TMTC1: variants seen among roughly 807,000 people sequenced by gnomAD.
TMTC1 encodes transmembrane O-mannosyltransferase targeting cadherins 1, also known as protein O-mannosyl-transferase TMTC1.
Under a neutral mutation model 104.8 loss-of-function variants are expected in TMTC1, and 73 were observed. The observed-to-expected ratio is 0.70, with a 90% CI of 0.58 to 0.85. The LOEUF is 0.85. Among genes scored for constraint, TMTC1 ranks in the 40% least tolerant of loss-of-function variants. The pLI is 0.00. For synonymous variants in TMTC1, 434 were observed against 428.7 expected (o/e 1.01, Z -0.15); for missense variants, 1,035 against 1,096.1 (o/e 0.94, Z 0.79).
intron 5 of TMTC1, among the ~76,000 whole-genome samples, chr12:29,727,101 A>G (rs1203144644): frequency 6.6e-6 from 1 of 152,190 alleles, no homozygotes; most frequent in East Asian, 1.9e-4. Context: ...AAACCATAAC[A>G]CACAATGTCT....
chr12:29,564,304 T>C (rs1945452317), intron 9 of TMTC1, among the ~76,000 whole-genome samples: 2 of 152,062 alleles, frequency 1.3e-5, no homozygotes, highest in Admixed American at 1.3e-4. Context: ...AACCAGCATA[T>C]ACACAGATGC....
chr12:29,606,098 T>C (rs1454799908), intron 6 of TMTC1, among the ~76,000 whole-genome samples: 1 of 152,216 alleles, frequency 6.6e-6, no homozygotes. Flanking sequence ...ACAATTTCCT[T>C]ATCCAATCCA....
intron 17 of TMTC1, among the ~76,000 whole-genome samples, chr12:29,511,331 T>A (rs190129628): frequency 1.3e-5 from 2 of 152,166 alleles, no homozygotes; most frequent in African/African-American, 4.8e-5. Flanking sequence ...ACTAGCACCA[T>A]AAGAACAGGA....
chr12:29,745,618 CAAAAAAA>C (rs71444341), intron 5 of TMTC1, among the ~76,000 whole-genome samples: 3 of 84,578 alleles, frequency 3.5e-5, no homozygotes, highest in South Asian at 4.9e-4. Flanking sequence ...GAGACTCAAT[CAAAAAAA>C]AAAAAAAAAA....
intron 7 of TMTC1, among the ~76,000 whole-genome samples, chr12:29,594,592 C>G (rs1169758078): frequency 6.6e-6 from 1 of 152,154 alleles, no homozygotes; most frequent in African/African-American, 2.4e-5. Context: ...TAAGGAGTCC[C>G]TGGTTTGAGA....
chr12:29,742,848 C>G (rs138207182), intron 5 of TMTC1, among the ~76,000 whole-genome samples: 37 of 152,266 alleles, frequency 2.4e-4, no homozygotes, highest in Non-Finnish European at 4.9e-4. Context: ...CTATTTCCCT[C>G]TAAAATAGTG....
At chr12:29,546,979 G>A (rs1429201162) in intron 10 of TMTC1, among the ~76,000 whole-genome samples, 3 of 152,078 alleles carry the variant, frequency 2.0e-5, no homozygotes, top group African/African-American at 7.2e-5. Flanking sequence ...GTCATCCCAA[G>A]TCTTTCAGGC....
intron 6 of TMTC1, among the ~76,000 whole-genome samples, chr12:29,607,601 A>C (rs373590071): frequency 6.6e-6 from 1 of 152,184 alleles, no homozygotes; most frequent in African/African-American, 2.4e-5. Flanking sequence ...CGTTTTGCAC[A>C]CTTTGCTATG....
At chr12:29,587,671 A>T (rs1423626325) in intron 7 of TMTC1, among the ~76,000 whole-genome samples, 1 of 152,198 alleles carries the variant, frequency 6.6e-6, no homozygotes, top group African/African-American at 2.4e-5. Context: ...GAAAGAAGCA[A>T]GTTTGTGTAA....
At chr12:29,542,168 A>C (rs1350125192) in intron 10 of TMTC1, among the ~76,000 whole-genome samples, 1 of 152,158 alleles carries the variant, frequency 6.6e-6, no homozygotes, top group East Asian at 1.9e-4. Flanking sequence ...AAAATAGATA[A>C]AATCGAACAT....
chr12:29,750,091 A>G (rs959451384), intron 5 of TMTC1, among the ~76,000 whole-genome samples: 2 of 151,418 alleles, frequency 1.3e-5, no homozygotes, highest in African/African-American at 2.4e-5. Context: ...ACACACACAC[A>G]CACAAACTCC....
At chr12:29,781,763 T>G (rs1244894660) in intron 1 of TMTC1, among the ~76,000 whole-genome samples, 1 of 152,156 alleles carries the variant, frequency 6.6e-6, no homozygotes, top group Non-Finnish European at 1.5e-5. Flanking sequence ...CCCAGAAGTT[T>G]CAGGCTACAG....
At chr12:29,553,014 T>C in intron 10 of TMTC1, among the ~76,000 whole-genome samples, 1 of 152,250 alleles carries the variant, frequency 6.6e-6, no homozygotes. Flanking sequence ...CTCTCTCTGT[T>C]ACTTAGCAAC....
chr12:29,564,439 T>C (rs1277710030), intron 9 of TMTC1, among the ~76,000 whole-genome samples: 1 of 151,998 alleles, frequency 6.6e-6, no homozygotes, highest in East Asian at 1.9e-4. Context: ...CAGGACAATC[T>C]AAAGAAGGAG....
At chr12:29,643,604 TTA>T (rs1408063829) in intron 5 of TMTC1, among the ~76,000 whole-genome samples, 2,625 of 39,396 alleles carry the variant, frequency 0.067, 87 homozygotes, top group Admixed American at 0.078. Flanking sequence ...ATATTATATA[TTA>T]TATATAATAT....
intron 5 of TMTC1, among the ~76,000 whole-genome samples, chr12:29,643,627 A>AATATATATATATATG (rs1939011773): frequency 5.8e-5 from 1 of 17,284 alleles, no homozygotes; most frequent in African/African-American, 2.9e-4. Flanking sequence ...ATATCTATAT[A>AATATATATATATATG]TTATATATAT....
At chr12:29,594,299 A>G (rs74884436) in intron 7 of TMTC1, among the ~76,000 whole-genome samples, 7,154 of 152,292 alleles carry the variant, frequency 0.047, 572 homozygotes, top group African/African-American at 0.16. Context: ...GAGTCCAGCA[A>G]CTTCACTTTG....
intron 5 of TMTC1, among the ~76,000 whole-genome samples, chr12:29,719,167 A>T (rs1228751040): frequency 6.6e-6 from 1 of 152,210 alleles, no homozygotes; most frequent in Non-Finnish European, 1.5e-5. Context: ...TTAACAAAAT[A>T]CAGAAGTTCA....
At chr12:29,636,586 G>A (rs897679134) in intron 5 of TMTC1, among the ~76,000 whole-genome samples, 5 of 151,868 alleles carry the variant, frequency 3.3e-5, no homozygotes, top group African/African-American at 1.2e-4. Flanking sequence ...TTGGGAGGCC[G>A]AGGCGGGCGG....
Sources: allele counts gnomAD v4.1 joint callset (sites outside exome capture counted in the v4.1 genomes callset), GRCh38; gene constraint gnomAD v4.1.1; transcripts MANE v1.5; gene names NCBI Gene and HGNC (gene_info 2026-07-23, HGNC 2026-07-21).